Variants in AKAP9 observed in about 807,000 individuals in gnomAD.
AKAP9 encodes the protein A-kinase anchoring protein 9, also known as A-kinase anchor protein 9.
AKAP9 carries 311 observed loss-of-function variants against 488.5 expected under a neutral mutation model. That is an observed-to-expected ratio of 0.64 (90% CI 0.58 to 0.70). The LOEUF (loss-of-function observed/expected upper bound fraction) is 0.70. AKAP9 is among the 30% of genes least tolerant of loss of function. The pLI is 0.00. For missense variants in AKAP9, 4,215 were observed against 4,374.5 expected (o/e 0.96, Z 1.03); for synonymous variants, 1,462 against 1,483.5 (o/e 0.99, Z 0.33).
chr7:92,110,544 A>G lies in AKAP9; in HGVS notation c.*385A>G. 7.6e-6 allele frequency: 2 copies of G among 262,674 alleles called. No individual in the cohort carries two copies. The highest frequency in any genetic ancestry group is 1.5e-5 in the Non-Finnish European group (2 of 136,310). The allele number at this position is 262,674 out of a possible 1,614,324, so 16.3% of individuals were successfully genotyped here. ...TGAAGTTACATGTTTTGCCTAATAT[A>G]TTCTACTGGTGATGAAGACAGATAA... On this transcript the variant is annotated 3_prime_UTR_variant, in exon 50 of 50. Coordinates refer to ENST00000356239, the MANE Select transcript of AKAP9 (RefSeq NM_005751.5).
At chr7:92,105,655 T>C in intron 46 of AKAP9, 23 bp from the exon 47 acceptor site, 3 of 1,594,798 alleles carry the variant, frequency 1.9e-6, no homozygotes, top group Non-Finnish European at 2.6e-6. Context: ...GGCTGTGAAA[T>C]TTTATCTTGG....
At position 92,022,366 on chromosome 7, in the gene AKAP9, A is replaced by G. The variant is rs147955593; in HGVS notation, c.3952+14A>G. ...TGGAAGACATTGGTAAATTTTGATC[A>G]TATACCACAATGTGGTGTTTTTATA... is the stretch of plus-strand genomic sequence containing the variant. On this transcript the variant is annotated intron_variant, in intron 13 of 49. Transcript: ENST00000356239. 5.9e-5 allele frequency: 90 copies of G among 1,520,218 alleles called. 1 individual carries two copies. In the African/African-American group the frequency reaches 1.0e-3, roughly 17 times the overall value. 94.2% of individuals were successfully genotyped at this position (1,520,218 alleles called of 1,614,324 possible).
chr7:91,970,636 T>A lies in AKAP9; in HGVS notation c.49-3075T>A, dbSNP rs140994198. The A allele has an allele frequency of 1.4e-4, 54 of 376,114 alleles. 1 individual carries two copies. The highest frequency in any genetic ancestry group is 1.1e-3 in the African/African-American group (53 of 46,836). 23.3% of individuals were successfully genotyped at this position (376,114 alleles called of 1,614,324 possible). On this transcript the variant is annotated intron_variant, in intron 1 of 49. Coordinates refer to ENST00000356239, the MANE Select transcript of AKAP9 (RefSeq NM_005751.5). ...TGGCTGTTTTTTTCCTTCAGCACTTTGAACATGTTGTCCCACATCCTCCTA... is the reference window on the plus strand; with the variant it reads ...TGGCTGTTTTTTTCCTTCAGCACTTAGAACATGTTGTCCCACATCCTCCTA...
intron 7 of AKAP9, among the ~76,000 whole-genome samples, chr7:91,996,508 G>A (rs1002571614): frequency 6.6e-6 from 1 of 151,946 alleles, no homozygotes; most frequent in Non-Finnish European, 1.5e-5. Flanking sequence ...GCACTACCTC[G>A]GGTCCTCTCC....
intron 6 of AKAP9, 22 bp downstream of exon 6, chr7:91,994,798 A>G (rs769824119): frequency 1.3e-6 from 2 of 1,594,092 alleles, no homozygotes; most frequent in Non-Finnish European, 1.7e-6. Context: ...TAATGCAACA[A>G]AATTCATTAT....
At chr7:92,107,514 A>G in intron 48 of AKAP9, 92 bp downstream of exon 48, 1 of 1,233,474 alleles carries the variant, frequency 8.1e-7, no homozygotes, top group Non-Finnish European at 1.2e-6. Flanking sequence ...ACTTCTTTGC[A>G]TTGAGATAGA....
chr7:91,998,234 G>A (rs1424816735), intron 7 of AKAP9, among the ~76,000 whole-genome samples: 1 of 151,702 alleles, frequency 6.6e-6, no homozygotes, highest in Non-Finnish European at 1.5e-5. Flanking sequence ...ATCTCTAACA[G>A]GCCCCAACCG....
Position 92,002,705 on chromosome 7 carries a change from A to G in AKAP9, c.2788A>G (p.Met930Val). 4.3e-6 allele frequency: 7 copies of G among 1,613,638 alleles called. No homozygotes were observed. The highest frequency in any genetic ancestry group is 5.1e-6 in the Non-Finnish European group (6 of 1,179,710). ...AACTTTTGTAGCAGAAACATTGGAA[A>G]TGGGTGAGGTTGTTGAAAAGGATAC... ...DKTFVAETLE[M>V]GEVVEKDTTE... Residue 930 changes from methionine (M) to valine (V), a missense_variant, in exon 8 of 50, where the codon ATG becomes GTG. By Grantham distance (21) the Met-to-Val change is conservative. Around this residue, in one of 5 missense-constraint regions of AKAP9, gnomAD observed 2,361 missense variants for 2,430.0 expected, o/e 0.97. Coordinates refer to ENST00000356239, the MANE Select transcript of AKAP9 (RefSeq NM_005751.5).
intron 49 of AKAP9, among the ~76,000 whole-genome samples, chr7:92,109,827 G>T (rs928892303): frequency 7.9e-5 from 12 of 152,052 alleles, no homozygotes; most frequent in Non-Finnish European, 2.9e-5. Flanking sequence ...GGCATGTGTG[G>T]ATAGTCCCAG....
chr7:92,050,319 A>T (rs1807761713), intron 21 of AKAP9, among the ~76,000 whole-genome samples: 1 of 150,468 alleles, frequency 6.6e-6, no homozygotes, highest in Non-Finnish European at 1.5e-5. Context: ...CTGGTCTTGA[A>T]CTCCTGACCT....
chr7:92,006,386 A>G (rs547672579), intron 8 of AKAP9, among the ~76,000 whole-genome samples: 1 of 151,920 alleles, frequency 6.6e-6, no homozygotes, highest in African/African-American at 2.4e-5. Context: ...TCTGGGCTTA[A>G]ATGATCTTCT....
intron 28 of AKAP9, among the ~76,000 whole-genome samples, chr7:92,071,854 A>G (rs1418389571): frequency 1.3e-5 from 2 of 152,212 alleles, no homozygotes; most frequent in Non-Finnish European, 2.9e-5. Context: ...AGGAGAAAAA[A>G]GGCATCTATG....
intron 38 of AKAP9, chr7:92,090,621 C>CAAAAA (rs71107852): frequency 9.0e-6 from 1 of 111,514 alleles, no homozygotes; most frequent in African/African-American, 3.0e-5. Flanking sequence ...GACTCCATCT[C>CAAAAA]AAAAAAAAAA....
intron 9 of AKAP9, among the ~76,000 whole-genome samples, chr7:92,013,808 A>G (rs1244824691): frequency 6.6e-6 from 1 of 152,092 alleles, no homozygotes; most frequent in Admixed American, 6.6e-5. Context: ...GTGTTTTTCA[A>G]ACTAGAGGCT....
At chr7:92,067,862 T>G (rs1811009045) in intron 26 of AKAP9, among the ~76,000 whole-genome samples, 1 of 152,206 alleles carries the variant, frequency 6.6e-6, no homozygotes, top group South Asian at 2.1e-4. Context: ...AAATAGAGAT[T>G]GTAATAGCAC....
At chr7:92,052,035 A>G (rs1047873239) in intron 21 of AKAP9, among the ~76,000 whole-genome samples, 1 of 152,182 alleles carries the variant, frequency 6.6e-6, no homozygotes, top group East Asian at 1.9e-4. Context: ...ACAATGTCCA[A>G]AGTTAAATTA....
chr7:92,079,515 A>T lies in AKAP9; in HGVS notation c.7382A>T (p.Asp2461Val). 1 of 1,613,930 alleles carries T rather than the reference A, an allele frequency of 6.2e-7. No individual in the cohort carries two copies. Among genetic ancestry groups the T allele is most frequent in the Non-Finnish European group, 8.5e-7 (1 of 1,180,006 alleles). ...GTGGCTATAGATCATCTGAGCAAAG[A>T]CAAACCTGAACTAGAAGTAGTCCTT... The part of the protein sequence containing the change: ...VNVAIDHLSK[D>V]KPELEVVLTE... The change falls in exon 31 of 50, where the codon GAC becomes GTC. Residue 2461 changes from aspartate (D) to valine (V), a missense_variant. Asp to Val is a radical substitution (Grantham distance 152). Transcript: ENST00000356239.
rs548150733 is a variant in AKAP9, at chr7:91,943,603, G to A, written c.48+2456G>A. Among the ~76,000 whole-genome samples the A allele has an allele frequency of 9.2e-5, 14 of 152,296 alleles. No individual in the cohort carries two copies. In the East Asian group the frequency reaches 2.5e-3, roughly 27 times the overall value. ...GGATATTCTTCCACGTTTTGTTAAA[G>A]TGTTTTAAATACTACTATGTCATTT... On this transcript the variant is annotated intron_variant, in intron 1 of 49. Coordinates refer to ENST00000356239, the MANE Select transcript of AKAP9 (RefSeq NM_005751.5).
chr7:91,970,118 A>G (rs2130547763), intron 1 of AKAP9, among the ~76,000 whole-genome samples: 1 of 152,202 alleles, frequency 6.6e-6, no homozygotes, highest in East Asian at 1.9e-4. Context: ...ACTTAAAAAG[A>G]CATAGGTTCA....
Sources: allele counts gnomAD v4.1 joint callset (sites outside exome capture counted in the v4.1 genomes callset), GRCh38; gene constraint gnomAD v4.1.1; regional missense constraint gnomAD v4.1.1; transcripts MANE v1.5; gene names NCBI Gene and HGNC (gene_info 2026-07-23, HGNC 2026-07-21).